The following PSMD2 variants were observed in gnomAD, a reference collection of about 807,000 sequenced individuals.
PSMD2 encodes 26S proteasome non-ATPase regulatory subunit 2.
In PSMD2, 8 loss-of-function variants were observed where a neutral mutation model predicts 101.5. The observed-to-expected ratio is 0.08, with a 90% CI of 0.05 to 0.14. The LOEUF (loss-of-function observed/expected upper bound fraction) is 0.14, where lower values mean the gene tolerates loss of function less well. Among genes scored for constraint, PSMD2 ranks in the 10% least tolerant of loss-of-function variants. PSMD2 has a pLI of 1.00. For missense variants in PSMD2, 784 were observed against 1,147.4 expected (o/e 0.68, Z 4.58); for synonymous variants, 418 against 433.8 (o/e 0.96, Z 0.45).
chr3:184,301,757 A>T, intron 4 of PSMD2, 90 bp from the exon 5 acceptor site: 1 of 1,608,738 alleles, frequency 6.2e-7, no homozygotes, highest in Non-Finnish European at 8.5e-7. Context: ...GCATCAGTGT[A>T]TTGAATTTCC....
rs1011325406 is a variant in PSMD2 at position 184,303,373 on chromosome 3, T to G, written c.1123T>G (p.Ser375Ala). 1.2e-6 allele frequency: 2 copies of G among 1,614,072 alleles called. No individual in the cohort carries two copies. Among genetic ancestry groups the G allele is most frequent in the Non-Finnish European group, 1.7e-6 (2 of 1,180,046 alleles). ...VDSARMNLAS[S>A]FVNGFVNAAF... ...CTCTGCCCGCATGAACCTGGCCTCCTCTTTTGTGAATGGCTTTGTGAATGC... is the reference window on the plus strand; with the variant it reads ...CTCTGCCCGCATGAACCTGGCCTCCGCTTTTGTGAATGGCTTTGTGAATGC... Residue 375 changes from serine (S) to alanine (A), a missense_variant, in exon 9 of 21, where the codon TCT becomes GCT. Transcript: ENST00000310118.
At chr3:184,303,212 G>A (rs1721708283) in intron 8 of PSMD2, 108 bp from the exon 9 acceptor site, 1 of 1,506,556 alleles carries the variant, frequency 6.6e-7, no homozygotes, top group Non-Finnish European at 9.1e-7. Context: ...TATAGGTAGA[G>A]GATACTAAGG....
chr3:184,305,739 CTGTGTAATACTGATTTTCCT>C lies in PSMD2; in HGVS notation c.1540-28_1540-9del. On this transcript the variant is annotated splice_polypyrimidine_tract_variant and intron_variant, in intron 12 of 20. Transcript: ENST00000310118. ...GACATAAATATTTTAATAACTTACT[CTGTGTAATACTGATTTTCCT>C]ACCTCTAGGTGGCAGGTGTCACAGC... is the stretch of plus-strand genomic sequence containing the variant. 6.3e-7 allele frequency: 1 copy of C among 1,593,960 alleles called. No individual in the cohort carries two copies. Among genetic ancestry groups the C allele is most frequent in the Non-Finnish European group, 8.6e-7 (1 of 1,166,574 alleles).
In PSMD2 at chr3:184,308,317, T is replaced by A. The variant is rs1444489052; in HGVS notation, c.2426-132T>A. ...GGCGTCTCTGGTTCGTAGTAGGGTG[T>A]ATGAGGGGAGGAGTGTGGATTCAGT... On this transcript the variant is annotated intron_variant, in intron 19 of 20. Coordinates refer to ENST00000310118, the MANE Select transcript of PSMD2 (RefSeq NM_002808.5). This position sits in a 1 kb window ranked among gnomAD's most constrained non-coding sequence, Gnocchi z 6.0. The A allele has an allele frequency of 1.2e-6, 1 of 837,810 alleles. No individual in the cohort carries two copies. The highest frequency in any genetic ancestry group is 1.9e-6 in the Non-Finnish European group (1 of 528,204). The allele number at this position is 837,810 out of a possible 1,614,324, so 51.9% of individuals were successfully genotyped here.
At position 184,307,944 on chromosome 3, in the gene PSMD2, C is replaced by A; in HGVS notation, c.2353C>A (p.Arg785=). Residue 785 remains arginine, a synonymous_variant, in exon 19 of 21, where the codon CGG becomes AGG. Transcript: ENST00000310118. ...TLTLCPYHSD[R]QLMSQVAVAG... ...TACCCTCTGCCCCTACCACAGCGAC[C>A]GGCAGCTTATGAGCCAGGTGGCCGT... 6.2e-7 allele frequency: 1 copy of A among 1,614,102 alleles called. No homozygotes were observed. The highest frequency in any genetic ancestry group is 1.1e-5 in the South Asian group (1 of 91,070).
In PSMD2 at chr3:184,307,694, G is replaced by T; in HGVS notation, c.2284G>T (p.Val762Leu). Residue 762 changes from valine to leucine, a missense_variant, in exon 18 of 21, where the codon GTG becomes TTG. Val to Leu is a conservative substitution (Grantham distance 32). Coordinates refer to ENST00000310118, the MANE Select transcript of PSMD2 (RefSeq NM_002808.5). ...CAAGGACCCAAACAACCTCTTCATG[G>T]TGCGCTTGGCACAGGTAAAGAATAG... is the stretch of plus-strand genomic sequence containing the variant. ...HAKDPNNLFMVRLAQGLTHLG... is the reference protein window; with the variant it reads ...HAKDPNNLFMLRLAQGLTHLG... 1 of 1,614,142 alleles carries T rather than the reference G, an allele frequency of 6.2e-7. No individual in the cohort carries two copies. Among genetic ancestry groups the T allele is most frequent in the Non-Finnish European group, 8.5e-7 (1 of 1,180,018 alleles).
chr3:184,301,305 C>T (rs1420676857), intron 3 of PSMD2, among the ~76,000 whole-genome samples: 1 of 149,286 alleles, frequency 6.7e-6, no homozygotes, highest in Non-Finnish European at 1.5e-5. Flanking sequence ...CATTGCACTC[C>T]AGCCTGGGCA....
At chr3:184,301,422 C>A in intron 3 of PSMD2, 115 bp from the exon 4 acceptor site, 2 of 1,299,536 alleles carry the variant, frequency 1.5e-6, no homozygotes, top group South Asian at 2.6e-5. Flanking sequence ...ATTTCTAGTA[C>A]AGAGATTGGT....
At position 184,301,552 on chromosome 3, in the gene PSMD2, A is replaced by G. The variant is rs895019658; in HGVS notation, c.373A>G (p.Ile125Val). 5.0e-6 allele frequency: 8 copies of G among 1,613,870 alleles called. No homozygotes were observed. The highest frequency in any genetic ancestry group is 6.8e-6 in the Non-Finnish European group (8 of 1,179,934). The change falls in exon 4 of 21, where the codon ATC (isoleucine) becomes GTC (valine). Residue 125 changes from isoleucine to valine, a missense_variant. Around this residue, in one of 6 missense-constraint regions of PSMD2, gnomAD observed 196 missense variants for 182.4 expected, o/e 1.07. Coordinates refer to ENST00000310118, the MANE Select transcript of PSMD2 (RefSeq NM_002808.5). ...TTCTTTATAGCGTTTTGCTGCTGACATCATCTCCGTTTTGGCCATGACCAT... is the reference window on the plus strand; with the variant it reads ...TTCTTTATAGCGTTTTGCTGCTGACGTCATCTCCGTTTTGGCCATGACCAT... ...PGENKRFAAD[I>V]ISVLAMTMSG...
rs1721730664 is a variant in PSMD2, at chr3:184,303,766, C to T, written c.1323+17C>T. Reference sequence around the variant, plus strand: ...TACATTAAGGTTGGTCTGCATACAGCCTGCTCATGGGGACTTCCCCGTTCC... The same window carrying T: ...TACATTAAGGTTGGTCTGCATACAGTCTGCTCATGGGGACTTCCCCGTTCC... On this transcript the variant is annotated intron_variant, in intron 10 of 20. Coordinates refer to ENST00000310118, the MANE Select transcript of PSMD2 (RefSeq NM_002808.5). 1 of 1,612,376 alleles carries T rather than the reference C, an allele frequency of 6.2e-7. No homozygotes were observed.
In PSMD2 at chr3:184,301,979, T is replaced by G; in HGVS notation, c.612T>G (p.Ala204=). 1 of 1,614,214 alleles carries G rather than the reference T, an allele frequency of 6.2e-7. No individual in the cohort carries two copies. Among genetic ancestry groups the G allele is most frequent in the South Asian group, 1.1e-5 (1 of 91,084 alleles). The part of the protein sequence containing the change: ...YNMAHNAEHE[A]CDLLMEIEQV... ...TGGCCCACAATGCAGAGCATGAGGC[T>G]TGCGACCTGCTTATGGAAATTGAGC... The change falls in exon 5 of 21, where the codon GCT becomes GCG. Residue 204 remains alanine (A), a synonymous_variant. Transcript: ENST00000310118.
chr3:184,299,845 C>G lies in PSMD2; in HGVS notation c.136-6C>G. 1 of 1,612,374 alleles carries G rather than the reference C, an allele frequency of 6.2e-7. No individual in the cohort carries two copies. Among genetic ancestry groups the G allele is most frequent in the Non-Finnish European group, 8.5e-7 (1 of 1,178,474 alleles). ...TCTTCATGAGCTGCTTCTCCCAACC[C>G]TCCAGTCTGAAGAGGATAAACAGCT... On this transcript the variant is annotated splice_polypyrimidine_tract_variant and splice_region_variant and intron_variant, in intron 1 of 20. Coordinates refer to ENST00000310118, the MANE Select transcript of PSMD2 (RefSeq NM_002808.5).
intron 3 of PSMD2, chr3:184,300,716 T>C: frequency 9.1e-7 from 1 of 1,093,816 alleles, no homozygotes; most frequent in South Asian, 2.7e-5. Context: ...TCTCTTTTCT[T>C]CTATCCCATA....
In PSMD2 at chr3:184,302,410, C is replaced by G. The variant is rs746038923; in HGVS notation, c.745C>G (p.Leu249Val). 4 of 1,614,196 alleles carry G rather than the reference C, an allele frequency of 2.5e-6. No individual in the cohort carries two copies. Among genetic ancestry groups the G allele is most frequent in the Non-Finnish European group, 3.4e-6 (4 of 1,180,040 alleles). ...GCCTGAGCCTGAGAACTCAGCCCTACTGCGTTGTGCCCTGGGTGTGTTCCG... is the reference window on the plus strand; with the variant it reads ...GCCTGAGCCTGAGAACTCAGCCCTAGTGCGTTGTGCCCTGGGTGTGTTCCG... ...YVPEPENSAL[L>V]RCALGVFRKF... Residue 249 changes from leucine (L) to valine (V), a missense_variant, in exon 6 of 21, where the codon CTG (leucine) becomes GTG (valine). Leu to Val is a conservative substitution (Grantham distance 32). Around this residue, in one of 6 missense-constraint regions of PSMD2, gnomAD observed 208 missense variants for 301.6 expected, o/e 0.69. Coordinates refer to ENST00000310118, the MANE Select transcript of PSMD2 (RefSeq NM_002808.5).
Position 184,304,097 on chromosome 3 carries a change from C to T in PSMD2, c.1451+23C>T. On this transcript the variant is annotated intron_variant, in intron 11 of 20. Transcript: ENST00000310118. The surrounding 1 kb of genome is among the most constrained non-coding windows in gnomAD (Gnocchi z 4.1). ...TGGGTAAGGTTCCTCGCTTGTCTTTCTGGTAGTGCTCAGCCTGTACACTCT... is the reference window on the plus strand; with the variant it reads ...TGGGTAAGGTTCCTCGCTTGTCTTTTTGGTAGTGCTCAGCCTGTACACTCT... 1 of 1,613,330 alleles carries T rather than the reference C, an allele frequency of 6.2e-7. No homozygotes were observed. The highest frequency in any genetic ancestry group is 1.3e-5 in the African/African-American group (1 of 75,026).
chr3:184,306,061 TGAGGCCATC>T lies in PSMD2; in HGVS notation c.1716_1724del (p.Glu574_Ile576del), dbSNP rs1441673298. 6.2e-7 allele frequency: 1 copy of T among 1,613,926 alleles called. No homozygotes were observed. Among genetic ancestry groups the T allele is most frequent in the Admixed American group, 1.7e-5 (1 of 59,990 alleles). ...CTTGAATCTGTCCTGTAGGGAAGGGTGAGGCCATCGAGGCAATCCTGGCTGCACTGGAGG... is the reference window on the plus strand; with the variant it reads ...CTTGAATCTGTCCTGTAGGGAAGGGTGAGGCAATCCTGGCTGCACTGGAGG... On this transcript the variant is annotated inframe_deletion, in exon 14 of 21. Transcript: ENST00000310118.
Position 184,301,670 on chromosome 3 carries a change from C to T in PSMD2, c.479+12C>T. 1.2e-6 allele frequency: 2 copies of T among 1,613,924 alleles called. No homozygotes were observed. Among genetic ancestry groups the T allele is most frequent in the Non-Finnish European group, 1.7e-6 (2 of 1,179,868 alleles). On this transcript the variant is annotated intron_variant, in intron 4 of 20. Coordinates refer to ENST00000310118, the MANE Select transcript of PSMD2 (RefSeq NM_002808.5). ...CATGAGTATGTCAGGTAAGATCTTT[C>T]TTCTTGGGAATCCGAAGGGGGCTCT...
rs199761239 is a variant in PSMD2 at position 184,302,647 on chromosome 3, G to A, written c.864-32G>A. 1.1e-3 allele frequency: 1,717 copies of A among 1,613,910 alleles called. 3 individuals carry two copies. The highest frequency in any genetic ancestry group is 1.4e-3 in the Non-Finnish European group (1,660 of 1,179,984). ...GGTTTTCCTGTGCCCTTAGTGGACA[G>A]TGATGAGCAGATGTACGGGCTCTCT... On this transcript the variant is annotated intron_variant, in intron 6 of 20. Coordinates refer to ENST00000310118, the MANE Select transcript of PSMD2 (RefSeq NM_002808.5).
In PSMD2 at chr3:184,302,744, A is replaced by G. The variant is rs1721688111; in HGVS notation, c.929A>G (p.Asp310Gly). The G allele has an allele frequency of 6.2e-7, 1 of 1,613,996 alleles. No individual in the cohort carries two copies. The highest frequency in any genetic ancestry group is 1.7e-5 in the Admixed American group (1 of 59,990). ...RHGVFLELSE[D>G]VEEYEDLTEI... ...GGGGTGTTCCTGGAGCTGAGTGAAG[A>G]TGTCGAGGAGTATGAGGACCTGACA... Residue 310 changes from aspartate (D) to glycine (G), a missense_variant, in exon 7 of 21, where the codon GAT (aspartate) becomes GGT (glycine). This residue lies in a region of PSMD2 where 208 missense variants were observed against 301.6 expected (regional missense o/e 0.69). Transcript: ENST00000310118.
Sources: allele counts gnomAD v4.1 joint callset (sites outside exome capture counted in the v4.1 genomes callset), GRCh38; gene constraint gnomAD v4.1.1; regional missense constraint gnomAD v4.1.1; non-coding constraint Gnocchi (gnomAD v3.1); transcripts MANE v1.5; gene names NCBI Gene and HGNC (gene_info 2026-07-23, HGNC 2026-07-21).